The following NEIL1 variants were observed in gnomAD, a reference collection of about 807,000 sequenced individuals.
NEIL1 encodes endonuclease 8-like 1.
In NEIL1, 31 loss-of-function variants were observed where a neutral mutation model predicts 44.2. That is an observed-to-expected ratio of 0.70 (90% CI 0.53 to 0.95). The LOEUF is 0.95. NEIL1 is among the 40% of genes least tolerant of loss of function. The probability of loss-of-function intolerance (pLI) is 0.00; values close to 1 mark genes in which losing one functional copy is unlikely to be tolerated. For synonymous variants in NEIL1, 254 were observed against 209.7 expected, an observed-to-expected ratio of 1.21 and a Z score of -1.83; for missense variants, 549 against 515.5, an observed-to-expected ratio of 1.07 and a Z score of -0.63.
Position 75,349,324 on chromosome 15 carries a change from A to G in NEIL1, c.419A>G (p.Glu140Gly). Reference protein sequence around the residue: ...QPGRGPCVLQEYQQFRENVLR... With the variant: ...QPGRGPCVLQGYQQFRENVLR... ...GGCCGCGGGCCCTGTGTCTTGCAGG[A>G]GTACCAGCAGTTCAGGTAGGGCCAG... Residue 140 changes from glutamate (E) to glycine (G), a missense_variant, in exon 2 of 10, where the codon GAG becomes GGG. Transcript: ENST00000355059. 2 of 1,606,630 alleles carry G rather than the reference A, an allele frequency of 1.2e-6. No homozygotes were observed. Among genetic ancestry groups the G allele is most frequent in the South Asian group, 1.1e-5 (1 of 90,624 alleles).
chr15:75,357,032 CG>C lies in NEIL1; in HGVS notation c.*2002del. ...CAACTGAACTCCAGCTCCCACTGTA[CG>C]GGGCCCTGGGCATGCCACCCAACCT... On this transcript the variant is annotated 3_prime_UTR_variant, in exon 10 of 10. Coordinates refer to ENST00000355059, the MANE Select transcript of NEIL1 (RefSeq NM_024608.4). 3 of 719,630 alleles carry C rather than the reference CG, an allele frequency of 4.2e-6. No individual in the cohort carries two copies. Among genetic ancestry groups the C allele is most frequent in the East Asian group, 2.7e-5 (1 of 36,932 alleles). 44.6% of individuals were successfully genotyped at this position (719,630 alleles called of 1,614,324 possible). A position where few individuals can be genotyped will look rare whatever the true frequency, so the allele number is the denominator to read the frequency against.
At chr15:75,348,129 G>A (rs2071586107) in intron 1 of NEIL1, 3 of 773,150 alleles carry the variant, frequency 3.9e-6, no homozygotes, top group African/African-American at 1.9e-5. Context: ...CCTGGTGCCC[G>A]CCGTCCTCCT....
intron 2 of NEIL1, 89 bp from the exon 3 acceptor site, chr15:75,352,022 T>A (rs1391692683): frequency 7.5e-7 from 1 of 1,333,410 alleles, no homozygotes; most frequent in Non-Finnish European, 1.1e-6. Flanking sequence ...TTCCTTCCCC[T>A]TGCACCCAGA....
chr15:75,356,250 C>T lies in NEIL1; in HGVS notation c.*1216C>T, dbSNP rs368844309. ...GAGGAACACGTCTGGTGGGAGGGGC[C>T]GAGGGCAGGCCCAGTTCGGAACCCC... On this transcript the variant is annotated 3_prime_UTR_variant, in exon 10 of 10. Coordinates refer to ENST00000355059, the MANE Select transcript of NEIL1 (RefSeq NM_024608.4). This position sits in a 1 kb window ranked among gnomAD's most constrained non-coding sequence, Gnocchi z 5.8. The T allele has an allele frequency of 2.1e-5, 34 of 1,612,056 alleles. No homozygotes were observed. The highest frequency in any genetic ancestry group is 2.5e-5 in the Non-Finnish European group (30 of 1,179,400).
rs770721304 is a variant in NEIL1, at chr15:75,356,044, G to T, written c.*1010G>T. The T allele has an allele frequency of 2.8e-5, 45 of 1,613,820 alleles. No individual in the cohort carries two copies. The highest frequency in any genetic ancestry group is 3.6e-5 in the Non-Finnish European group (43 of 1,179,910). On this transcript the variant is annotated 3_prime_UTR_variant, in exon 10 of 10. Transcript: ENST00000355059. The surrounding 1 kb of genome is among the most constrained non-coding windows in gnomAD (Gnocchi z 5.8). ...CCAAGAGATCGCAGCTGGAGAACAG[G>T]AGGGGCCATGAAGGCTCTGCGAGGG... is the stretch of plus-strand genomic sequence containing the variant.
chr15:75,356,293 C>T lies in NEIL1; in HGVS notation c.*1259C>T. On this transcript the variant is annotated 3_prime_UTR_variant, in exon 10 of 10. Transcript: ENST00000355059. This position sits in a 1 kb window ranked among gnomAD's most constrained non-coding sequence, Gnocchi z 5.8. ...GGAACCCCGTCCCCAGCACGTCCCA[C>T]CCCTTGCCTGCTTGACGGTCTCCAA... 6.2e-7 allele frequency: 1 copy of T among 1,610,956 alleles called. No individual in the cohort carries two copies. Among genetic ancestry groups the T allele is most frequent in the South Asian group, 1.1e-5 (1 of 90,728 alleles).
rs147906565 is a variant in NEIL1, at chr15:75,356,201, G to A, written c.*1167G>A. ...TACAGCCTCAGGACCAGCGAGCGGC[G>A]CTGGGGGCTGCTCTCCGCCTGCAGA... On this transcript the variant is annotated 3_prime_UTR_variant, in exon 10 of 10. Coordinates refer to ENST00000355059, the MANE Select transcript of NEIL1 (RefSeq NM_024608.4). This position sits in a 1 kb window ranked among gnomAD's most constrained non-coding sequence, Gnocchi z 5.8. The A allele has an allele frequency of 1.7e-5, 28 of 1,613,144 alleles. No individual in the cohort carries two copies. Among genetic ancestry groups the A allele is most frequent in the Middle Eastern group, 3.3e-4 (2 of 6,054 alleles).
At chr15:75,353,321 C>T (rs1203587657) in intron 5 of NEIL1, 1 of 295,918 alleles carries the variant, frequency 3.4e-6, no homozygotes. Flanking sequence ...AAACTGGGCT[C>T]AAGTGATCCT....
At chr15:75,354,202 C>G (rs781680725) in intron 6 of NEIL1, 48 bp from the exon 7 acceptor site, 6 of 1,609,588 alleles carry the variant, frequency 3.7e-6, no homozygotes, top group Non-Finnish European at 4.3e-6. Context: ...GAATACCGCC[C>G]CTGTGCCAAC....
Position 75,356,220 on chromosome 15 carries a change from C to T in NEIL1, c.*1186C>T, listed in dbSNP as rs762574731. The T allele has an allele frequency of 1.9e-6, 3 of 1,613,124 alleles. No individual in the cohort carries two copies. Among genetic ancestry groups the T allele is most frequent in the South Asian group, 2.2e-5 (2 of 91,016 alleles). On this transcript the variant is annotated 3_prime_UTR_variant, in exon 10 of 10. Transcript: ENST00000355059. The surrounding 1 kb of genome is among the most constrained non-coding windows in gnomAD (Gnocchi z 5.8). ...AGCGGCGCTGGGGGCTGCTCTCCGC[C>T]TGCAGAGGAACACGTCTGGTGGGAG... is the stretch of plus-strand genomic sequence containing the variant.
At position 75,352,134 on chromosome 15, in the gene NEIL1, C is replaced by G; in HGVS notation, c.458C>G (p.Ala153Gly). 6.2e-7 allele frequency: 1 copy of G among 1,614,160 alleles called. No individual in the cohort carries two copies. Among genetic ancestry groups the G allele is most frequent in the Non-Finnish European group, 8.5e-7 (1 of 1,180,016 alleles). Residue 153 changes from alanine (A) to glycine (G), a missense_variant, in exon 3 of 10, where the codon GCG (alanine) becomes GGG (glycine). Physicochemically the swap from Ala to Gly is moderately conservative, Grantham distance 60. Transcript: ENST00000355059. Reference sequence around the variant, plus strand: ...AGGGAGAATGTGCTACGAAACCTAGCGGATAAGGCCTTTGACCGGCCCATC... The same window carrying G: ...AGGGAGAATGTGCTACGAAACCTAGGGGATAAGGCCTTTGACCGGCCCATC... ...QFRENVLRNL[A>G]DKAFDRPICE...
At chr15:75,348,112 AGCCCTTCCTGGT>A in intron 1 of NEIL1, 1 of 860,638 alleles carries the variant, frequency 1.2e-6, no homozygotes, top group Non-Finnish European at 1.5e-6. Context: ...GAGCTCGGGG[AGCCCTTCCTGGT>A]GCCCGCCGTC....
At position 75,349,167 on chromosome 15, in the gene NEIL1, G is replaced by C; in HGVS notation, c.262G>C (p.Val88Leu). 1.2e-6 allele frequency: 2 copies of C among 1,609,302 alleles called. No individual in the cohort carries two copies. The highest frequency in any genetic ancestry group is 2.7e-5 in the African/African-American group (2 of 75,062). ...CGGCATGTCCGGCTCTTTTCAGCTG[G>C]TGCCCCGCGAGGAGCTGCCACGCCA... Reference protein sequence around the residue: ...RFGMSGSFQLVPREELPRHAH... With the variant: ...RFGMSGSFQLLPREELPRHAH... Residue 88 changes from valine (V) to leucine (L), a missense_variant, in exon 2 of 10, where the codon GTG (valine) becomes CTG (leucine). Physicochemically the swap from Val to Leu is conservative, Grantham distance 32. Coordinates refer to ENST00000355059, the MANE Select transcript of NEIL1 (RefSeq NM_024608.4).
intron 4 of NEIL1, 85 bp downstream of exon 4, chr15:75,352,472 C>A: frequency 1.3e-6 from 2 of 1,575,516 alleles, no homozygotes; most frequent in Non-Finnish European, 1.7e-6. Context: ...GTCAGGTGTC[C>A]CCAGCTTAGC....
At position 75,354,466 on chromosome 15, in the gene NEIL1, C is replaced by A; in HGVS notation, c.910C>A (p.Gln304Lys). The A allele has an allele frequency of 1.2e-6, 2 of 1,614,228 alleles. No homozygotes were observed. The highest frequency in any genetic ancestry group is 1.7e-6 in the Non-Finnish European group (2 of 1,180,024). ...CCGCAAAAAGAAATCCAAGGCCACA[C>A]AGCTGAGTCCTGAGGACAGAGTGGA... ...KSRKKKSKAT[Q>K]LSPEDRVEDA... The change falls in exon 8 of 10, where the codon CAG becomes AAG. Residue 304 changes from glutamine (Q) to lysine (K), a missense_variant. Gln to Lys is a moderately conservative substitution (Grantham distance 53). Transcript: ENST00000355059.
chr15:75,349,443 C>T (rs1016418033), intron 2 of NEIL1, 104 bp downstream of exon 2: 3 of 1,080,730 alleles, frequency 2.8e-6, no homozygotes, highest in Non-Finnish European at 3.9e-6. Flanking sequence ...CCTTCTGGGC[C>T]TCAGTTCTCT....
intron 1 of NEIL1, chr15:75,348,397 C>G: frequency 1.0e-6 from 1 of 986,818 alleles, no homozygotes. Context: ...GAGGGGCGGC[C>G]ACGCGATCCT....
intron 6 of NEIL1, 110 bp downstream of exon 6, chr15:75,353,976 G>A (rs1389586670): frequency 2.3e-5 from 33 of 1,412,912 alleles, no homozygotes; most frequent in Non-Finnish European, 3.2e-5. Flanking sequence ...GACCCTCCAA[G>A]GACCACACTG....
Position 75,355,145 on chromosome 15 carries a change from C to A in NEIL1, c.*111C>A. 2 of 810,278 alleles carry A rather than the reference C, an allele frequency of 2.5e-6. No homozygotes were observed. Among genetic ancestry groups the A allele is most frequent in the South Asian group, 1.7e-5 (1 of 59,504 alleles). 50.2% of individuals were successfully genotyped at this position (810,278 alleles called of 1,614,324 possible). On this transcript the variant is annotated 3_prime_UTR_variant, in exon 10 of 10. Coordinates refer to ENST00000355059, the MANE Select transcript of NEIL1 (RefSeq NM_024608.4). ...CTGAAGGTGCAAACAGGCCCTACGG[C>A]TGTTCCCTGCACAACTCTCATGGTT...
Sources: allele counts gnomAD v4.1 joint callset, GRCh38; gene constraint gnomAD v4.1.1; non-coding constraint Gnocchi (gnomAD v3.1); transcripts MANE v1.5; gene names NCBI Gene and HGNC (gene_info 2026-07-23, HGNC 2026-07-21).